The following PCDHGB6 variants were observed in gnomAD, a reference collection of about 807,000 sequenced individuals.
PCDHGB6 encodes protocadherin gamma subfamily B, 6, also known as protocadherin gamma-B6.
In PCDHGB6, 51 loss-of-function variants were observed where a neutral mutation model predicts 59.1. The observed-to-expected ratio is 0.86, with a 90% CI of 0.69 to 1.09. The LOEUF (loss-of-function observed/expected upper bound fraction) is 1.09. Among genes scored for constraint, PCDHGB6 ranks in the 50% least tolerant of loss-of-function variants. PCDHGB6 has a pLI of 0.00. For missense variants in PCDHGB6, 1,148 were observed against 1,205.1 expected (o/e 0.95, Z 0.70); for synonymous variants, 466 against 495.1 (o/e 0.94, Z 0.78).
intron 1 of PCDHGB6, chr5:141,417,926 C>T (rs779409064): frequency 6.2e-7 from 1 of 1,610,108 alleles, no homozygotes; most frequent in East Asian, 2.2e-5. Context: ...TTTGCTGCTG[C>T]CTTTGTTCTA....
intron 1 of PCDHGB6, chr5:141,427,870 C>A (rs773176633): frequency 3.2e-6 from 5 of 1,558,750 alleles, no homozygotes; most frequent in Non-Finnish European, 4.4e-6. Context: ...TTCGAGCTCA[C>A]GATGCAGGCC....
At chr5:141,444,757 C>T (rs919228537) in intron 1 of PCDHGB6, among the ~76,000 whole-genome samples, 4 of 152,050 alleles carry the variant, frequency 2.6e-5, no homozygotes, top group African/African-American at 9.7e-5. Flanking sequence ...ATATGTAGTT[C>T]TATTTCTATA....
At chr5:141,452,134 T>C (rs539377216) in intron 1 of PCDHGB6, among the ~76,000 whole-genome samples, 2 of 152,344 alleles carry the variant, frequency 1.3e-5, no homozygotes, top group South Asian at 2.1e-4. Flanking sequence ...ATATGGCTCA[T>C]GTGTTTTTTC....
chr5:141,491,544 C>G lies in PCDHGB6; in HGVS notation c.2419-3263C>G, dbSNP rs546391464. The G allele has an allele frequency of 1.1e-5, 17 of 1,614,018 alleles. No individual in the cohort carries two copies. In the Admixed American group the frequency reaches 1.8e-4, roughly 17 times the overall value. Reference sequence around the variant, plus strand: ...TGGAGGTGACGCTGCGGCCCACAGACTCGCAGAGCCACTGCTACAGGACGT... The same window carrying G: ...TGGAGGTGACGCTGCGGCCCACAGAGTCGCAGAGCCACTGCTACAGGACGT... On this transcript the variant is annotated intron_variant, in intron 1 of 3. Transcript: ENST00000520790. The surrounding 1 kb of genome is among the most constrained non-coding windows in gnomAD (Gnocchi z 6.9).
chr5:141,491,666 G>A lies in PCDHGB6; in HGVS notation c.2419-3141G>A, dbSNP rs373526771. 9.4e-5 allele frequency: 152 copies of A among 1,613,614 alleles called. No homozygotes were observed. The highest frequency in any genetic ancestry group is 1.2e-4 in the Non-Finnish European group (142 of 1,180,016). The stretch of plus-strand genomic sequence containing the variant: ...CTGGCGCTGGAGCCTGACGCCATCC[G>A]GTCCCGCTCTAATACGCTGCGGGAG... On this transcript the variant is annotated intron_variant, in intron 1 of 3. Coordinates refer to ENST00000520790, the MANE Select transcript of PCDHGB6 (RefSeq NM_018926.3). This position sits in a 1 kb window ranked among gnomAD's most constrained non-coding sequence, Gnocchi z 6.9.
At chr5:141,420,175 T>C (rs901184536) in intron 1 of PCDHGB6, 6 of 1,614,004 alleles carry the variant, frequency 3.7e-6, no homozygotes, top group Non-Finnish European at 5.1e-6. Context: ...CATCTGTTGA[T>C]CATTGTCCAG....
At chr5:141,436,335 A>T (rs2097814208) in intron 1 of PCDHGB6, among the ~76,000 whole-genome samples, 1 of 152,172 alleles carries the variant, frequency 6.6e-6, no homozygotes, top group African/African-American at 2.4e-5. Flanking sequence ...ACCATATCTC[A>T]AATATCAGTG....
In PCDHGB6 at chr5:141,409,867, C is replaced by T. The variant is rs376725837; in HGVS notation, c.1665C>T (p.Arg555=). 2.2e-5 allele frequency: 35 copies of T among 1,612,662 alleles called. No individual in the cohort carries two copies. The highest frequency in any genetic ancestry group is 2.1e-4 in the African/African-American group (16 of 75,040). The change falls in exon 1 of 4, where the codon CGC becomes CGT. Residue 555 remains arginine, a synonymous_variant. Transcript: ENST00000520790. ...NVSLRVLVGD[R]NDNAPRVLYP... ...GCCTGCGCGTGTTGGTGGGAGACCG[C>T]AATGACAACGCACCGCGGGTGCTGT...
In PCDHGB6 at chr5:141,486,056, C is replaced by T; in HGVS notation, c.2419-8751C>T. 6.2e-7 allele frequency: 1 copy of T among 1,614,170 alleles called. No homozygotes were observed. The highest frequency in any genetic ancestry group is 8.5e-7 in the Non-Finnish European group (1 of 1,180,026). ...TGATCGTGTAAGAAACCTCTTTAGC[C>T]TGCACCCCACTACTGGAAAGCTTAC... On this transcript the variant is annotated intron_variant, in intron 1 of 3. Transcript: ENST00000520790. The surrounding 1 kb of genome is among the most constrained non-coding windows in gnomAD (Gnocchi z 5.0).
At chr5:141,455,860 A>ATTATTTAT (rs145569377) in intron 1 of PCDHGB6, among the ~76,000 whole-genome samples, 155 of 139,844 alleles carry the variant, frequency 1.1e-3, no homozygotes, top group Non-Finnish European at 1.5e-3. Flanking sequence ...AATTTCTTTT[A>ATTATTTAT]TTATTTATTT....
chr5:141,430,404 A>C (rs1054341813), intron 1 of PCDHGB6, among the ~76,000 whole-genome samples: 1 of 152,000 alleles, frequency 6.6e-6, no homozygotes, highest in African/African-American at 2.4e-5. Context: ...AAAGCTCACT[A>C]AAGTTTCTAT....
rs372466798 is a variant in PCDHGB6 at position 141,413,407 on chromosome 5, C to T, written c.2418+2787C>T. On this transcript the variant is annotated intron_variant, in intron 1 of 3. Transcript: ENST00000520790. ...CATAGTCTCCAGAGGTAGGACGCAG[C>T]TTTTCTCTCTGAACCCGCGCAGCGG... The T allele has an allele frequency of 6.2e-7, 1 of 1,614,044 alleles. No individual in the cohort carries two copies. The highest frequency in any genetic ancestry group is 8.5e-7 in the Non-Finnish European group (1 of 1,179,938).
At chr5:141,461,007 A>G (rs965754689) in intron 1 of PCDHGB6, among the ~76,000 whole-genome samples, 1 of 151,418 alleles carries the variant, frequency 6.6e-6, no homozygotes, top group Non-Finnish European at 1.5e-5. Flanking sequence ...GTGTATATAT[A>G]TATACCACAT....
At chr5:141,440,912 G>T (rs1281398967) in intron 1 of PCDHGB6, 1 of 152,254 alleles carries the variant, frequency 6.6e-6, no homozygotes, top group Admixed American at 6.5e-5. Context: ...GGGCACTCCT[G>T]TGCTGAGAGT....
intron 1 of PCDHGB6, among the ~76,000 whole-genome samples, chr5:141,469,102 A>G (rs1423904196): frequency 6.6e-6 from 1 of 151,626 alleles, no homozygotes; most frequent in East Asian, 1.9e-4. Flanking sequence ...CAAAGCAAGA[A>G]CCTGTCTCTA....
At chr5:141,492,527 G>A (rs1000672383) in intron 1 of PCDHGB6, among the ~76,000 whole-genome samples, 1 of 152,184 alleles carries the variant, frequency 6.6e-6, no homozygotes, top group African/African-American at 2.4e-5. Flanking sequence ...TCTCCCACCT[G>A]CGCCCCGGGC....
chr5:141,463,616 T>C (rs941383375), intron 1 of PCDHGB6, among the ~76,000 whole-genome samples: 28 of 151,762 alleles, frequency 1.8e-4, no homozygotes, highest in Non-Finnish European at 2.1e-4. Flanking sequence ...GCCCGGCTAA[T>C]TTTTTGTATT....
At chr5:141,509,782 C>A (rs2099878218) in intron 3 of PCDHGB6, among the ~76,000 whole-genome samples, 1 of 152,144 alleles carries the variant, frequency 6.6e-6, no homozygotes, top group Admixed American at 6.5e-5. Context: ...TCCCCGAGAT[C>A]ATCATCTCCT....
chr5:141,415,845 A>G, intron 1 of PCDHGB6: 1 of 1,246,436 alleles, frequency 8.0e-7, no homozygotes, highest in Non-Finnish European at 1.0e-6. Flanking sequence ...TTAGCTTTGC[A>G]GAACCTTGTA....
Sources: gnomAD v4.1 joint callset for allele counts (sites outside exome capture counted in the v4.1 genomes callset) on GRCh38, gnomAD v4.1.1 for gene constraint, Gnocchi (gnomAD v3.1) non-coding constraint, MANE v1.5 for transcripts, NCBI Gene and HGNC (gene_info 2026-07-23, HGNC 2026-07-21) for gene names.